UCKL1: variants seen among roughly 807,000 people sequenced by gnomAD.
The protein encoded by UCKL1 is uridine-cytidine kinase-like 1.
In UCKL1, 65 loss-of-function variants were observed where a neutral mutation model predicts 59.2. That is an observed-to-expected ratio of 1.10 (90% CI 0.90 to 1.35). The LOEUF (loss-of-function observed/expected upper bound fraction) is 1.35, where lower values mean the gene tolerates loss of function less well. Among genes scored for constraint, UCKL1 ranks in the 40% most tolerant of loss-of-function variants. The pLI, the probability that UCKL1 is intolerant of heterozygous loss-of-function variation, is 0.00. For missense variants in UCKL1, 703 were observed against 784.3 expected (o/e 0.90, Z 1.24); for synonymous variants, 410 against 323.1 (o/e 1.27, Z -2.88).
intron 8 of UCKL1, among the ~76,000 whole-genome samples, chr20:63,943,340 G>A (rs1372966068): frequency 2.6e-5 from 4 of 152,234 alleles, no homozygotes; most frequent in Non-Finnish European, 5.9e-5. Flanking sequence ...GGCAGTGCTG[G>A]CTCAGGAGGA....
chr20:63,945,617 A>G (rs769154414), intron 5 of UCKL1, 34 bp downstream of exon 5: 5 of 1,609,384 alleles, frequency 3.1e-6, no homozygotes, highest in Non-Finnish European at 4.2e-6. Flanking sequence ...GGGCTGAGAT[A>G]CCAGCGGGGT....
chr20:63,955,454 T>C (rs79599197), intron 1 of UCKL1: 27,077 of 152,158 alleles, frequency 0.18, 2,603 homozygotes, highest in South Asian at 0.29. Flanking sequence ...CCCTGCGGCA[T>C]CCAGCGCAGC....
At chr20:63,947,388 G>A (rs533995958) in intron 1 of UCKL1, among the ~76,000 whole-genome samples, 3 of 152,370 alleles carry the variant, frequency 2.0e-5, no homozygotes, top group South Asian at 2.1e-4. Flanking sequence ...CAGCCAAATC[G>A]CTGCCATGCT....
chr20:63,956,047 C>T (rs911387824), intron 1 of UCKL1: 10 of 444,798 alleles, frequency 2.2e-5, no homozygotes, highest in East Asian at 3.9e-5. Flanking sequence ...TCCCCGAGCC[C>T]CGAGGAGCCT....
intron 8 of UCKL1, among the ~76,000 whole-genome samples, chr20:63,941,790 T>A (rs1257631006): frequency 8.6e-6 from 1 of 116,748 alleles, no homozygotes; most frequent in Non-Finnish European, 1.8e-5. Context: ...AAGGGCGGGG[T>A]GGAGGCAAGA....
In UCKL1 at chr20:63,950,931, C is replaced by G. The variant is rs572792399; in HGVS notation, c.114-4288G>C. ...CGTGGGGGACATCACCACCTCAGAC[C>G]CACAGCAGTCCCCTAGGGCAGCTCA... On this transcript the variant is annotated intron_variant, in intron 1 of 14. Coordinates refer to ENST00000354216, the MANE Select transcript of UCKL1 (RefSeq NM_017859.4). 3.6e-6 allele frequency: 5 copies of G among 1,376,412 alleles called. No individual in the cohort carries two copies. In the African/African-American group the frequency reaches 7.4e-5, roughly 20 times the overall value. The allele number at this position is 1,376,412 out of a possible 1,614,324, so 85.3% of individuals were successfully genotyped here. A position where few individuals can be genotyped will look rare whatever the true frequency, so the allele number is the denominator to read the frequency against.
intron 1 of UCKL1, among the ~76,000 whole-genome samples, chr20:63,951,866 A>G (rs1480983529): frequency 6.6e-6 from 1 of 152,202 alleles, no homozygotes; most frequent in African/African-American, 2.4e-5. Flanking sequence ...GGATGTGCAC[A>G]GAGAAGTCCT....
intron 1 of UCKL1, 57 bp downstream of exon 1, chr20:63,956,203 C>T: frequency 1.4e-6 from 2 of 1,407,882 alleles, no homozygotes; most frequent in Non-Finnish European, 1.9e-6. Context: ...CCCAGCTCGG[C>T]CGGATCTGCA....
chr20:63,946,836 G>C (rs940883218), intron 1 of UCKL1, among the ~76,000 whole-genome samples, 193 bp from the exon 2 acceptor site: 20 of 152,120 alleles, frequency 1.3e-4, no homozygotes, highest in Non-Finnish European at 2.8e-4. Flanking sequence ...CCAGTACTTT[G>C]GGAGGCCGAG....
chr20:63,940,791 T>C lies in UCKL1; in HGVS notation c.1179+3A>G. Reference sequence around the variant, plus strand: ...CCGCGCCCAGGTGTGCCCAGGCAGGTACCTGCTTCCCCGCATAGCACTTGC... The same window carrying C: ...CCGCGCCCAGGTGTGCCCAGGCAGGCACCTGCTTCCCCGCATAGCACTTGC... On this transcript the variant is annotated splice_donor_region_variant and intron_variant, in intron 11 of 14. Transcript: ENST00000354216. 6.3e-7 allele frequency: 1 copy of C among 1,592,504 alleles called. No homozygotes were observed. The highest frequency in any genetic ancestry group is 8.5e-7 in the Non-Finnish European group (1 of 1,170,744).
In UCKL1 at chr20:63,944,399, C is replaced by T. The variant is rs1601083391; in HGVS notation, c.904G>A (p.Glu302Lys). ...IVQHVHSQLEERELSVRAALA... is the reference protein window; with the variant it reads ...IVQHVHSQLEKRELSVRAALA... ...TGGGGACGTGGGACCCCGCTCACCT[C>T]CTCCAGCTGGCTGTGCACGTGCTGC... Residue 302 changes from glutamate (E) to lysine (K), a missense_variant and splice_region_variant, in exon 7 of 15, where the codon GAG becomes AAG. This residue lies in a region of UCKL1 where 156 missense variants were observed against 185.6 expected (regional missense o/e 0.84). Coordinates refer to ENST00000354216, the MANE Select transcript of UCKL1 (RefSeq NM_017859.4). 6.4e-7 allele frequency: 1 copy of T among 1,561,804 alleles called. No individual in the cohort carries two copies. Among genetic ancestry groups the T allele is most frequent in the Non-Finnish European group, 8.7e-7 (1 of 1,154,130 alleles).
At chr20:63,944,769 G>A (rs369738558) in intron 5 of UCKL1, 35 bp from the exon 6 acceptor site, 7 of 1,607,146 alleles carry the variant, frequency 4.4e-6, no homozygotes, top group African/African-American at 2.7e-5. Flanking sequence ...GTGGCCAGAT[G>A]CCAGCAGTGG....
Position 63,946,251 on chromosome 20 carries a change from A to G in UCKL1, c.321T>C (p.Ser107=), listed in dbSNP as rs1391258087. The G allele has an allele frequency of 1.3e-6, 2 of 1,598,346 alleles. No individual in the cohort carries two copies. Among genetic ancestry groups the G allele is most frequent in the African/African-American group, 2.7e-5 (2 of 74,486 alleles). The change falls in exon 3 of 15, where the codon AGT becomes AGC. Residue 107 remains serine, a synonymous_variant. Coordinates refer to ENST00000354216, the MANE Select transcript of UCKL1 (RefSeq NM_017859.4). ...TGGCCACAGTGGTCTTCCCAGAGGC[A>G]CTGCCGCCTCCCAAGCCTGCCGGCG... ...EAFAIGLGGG[S]ASGKTTVARM... is the part of the protein sequence containing the mutation.
chr20:63,945,175 C>T (rs955928228), intron 5 of UCKL1, among the ~76,000 whole-genome samples: 13 of 152,108 alleles, frequency 8.5e-5, no homozygotes, highest in East Asian at 7.7e-4. Flanking sequence ...GTAGTTGGCC[C>T]GTGAAGAGGC....
At chr20:63,946,057 A>G in intron 3 of UCKL1, 82 bp from the exon 4 acceptor site, 1 of 1,609,432 alleles carries the variant, frequency 6.2e-7, no homozygotes, top group Non-Finnish European at 8.5e-7. Flanking sequence ...TAGGCCTCCC[A>G]GGAGCAGCCA....
Position 63,946,155 on chromosome 20 carries a change from G to A in UCKL1, c.411+6C>T, listed in dbSNP as rs762682459. The A allele has an allele frequency of 1.5e-5, 24 of 1,611,462 alleles. No individual in the cohort carries two copies. Among genetic ancestry groups the A allele is most frequent in the African/African-American group, 4.0e-5 (3 of 74,888 alleles). On this transcript the variant is annotated splice_donor_region_variant and intron_variant, in intron 3 of 14. Coordinates refer to ENST00000354216, the MANE Select transcript of UCKL1 (RefSeq NM_017859.4). The stretch of plus-strand genomic sequence containing the variant: ...GGGTCCTCGGGGGAGCTGGGCGGGG[G>A]CCCACCTTGTAGAAGGAGTCCATGG...
intron 10 of UCKL1, 21 bp downstream of exon 10, chr20:63,940,929 C>CGCGGGCT (rs775219834): frequency 7.9e-6 from 12 of 1,519,708 alleles, no homozygotes; most frequent in African/African-American, 4.2e-5. Context: ...CCCTCCACCT[C>CGCGGGCT]GCGGGCTACG....
At chr20:63,942,747 A>T in intron 8 of UCKL1, 1 of 474,248 alleles carries the variant, frequency 2.1e-6, no homozygotes, top group South Asian at 1.5e-5. Flanking sequence ...GACGACGGAA[A>T]ATGTGTCTGG....
rs1329010713 is a variant in UCKL1, at chr20:63,940,040, C to A, written c.1583G>T (p.Arg528Leu). 1 of 1,554,954 alleles carries A rather than the reference C, an allele frequency of 6.4e-7. No homozygotes were observed. Among genetic ancestry groups the A allele is most frequent in the Non-Finnish European group, 8.7e-7 (1 of 1,145,350 alleles). The change falls in exon 15 of 15, where the codon CGC (arginine) becomes CTC (leucine). Residue 528 changes from arginine (R) to leucine (L), a missense_variant. Coordinates refer to ENST00000354216, the MANE Select transcript of UCKL1 (RefSeq NM_017859.4). ...IIPGIGNFGD[R>L]YFGTDAVPDG... ...GGGGACCGCGTCTGTCCCAAAGTAG[C>A]GGTCGCCAAAGTTCCCTGGAAAAAG...
Sources: allele counts gnomAD v4.1 joint callset (sites outside exome capture counted in the v4.1 genomes callset), GRCh38; gene constraint gnomAD v4.1.1; regional missense constraint gnomAD v4.1.1; transcripts MANE v1.5; gene names NCBI Gene and HGNC (gene_info 2026-07-23, HGNC 2026-07-21).